The following YES1 variants were observed in gnomAD, a reference collection of about 807,000 sequenced individuals.
The protein encoded by YES1 is YES proto-oncogene 1, Src family tyrosine kinase.
In YES1, 39 loss-of-function variants were observed where a neutral mutation model predicts 70.4. That is an observed-to-expected ratio of 0.55 (90% confidence interval 0.43 to 0.72). The LOEUF (loss-of-function observed/expected upper bound fraction) is 0.72. Ranked by LOEUF, YES1 falls within the 30% of genes least tolerant of loss-of-function variation. The pLI is 0.00. For synonymous variants in YES1, 198 were observed against 218.6 expected, an observed-to-expected ratio of 0.91 and a Z score of 0.83; for missense variants, 495 against 644.8, an observed-to-expected ratio of 0.77 and a Z score of 2.52.
chr18:743,463 G>A (rs2080239361), intron 6 of YES1, 48 bp from the exon 7 acceptor site: 1 of 1,459,272 alleles, frequency 6.9e-7, no homozygotes. Flanking sequence ...CAAAAATTAA[G>A]GGGCATATAG....
At position 792,554 on chromosome 18, in the gene YES1, T is replaced by TCTCTCTCTCC. The variant is rs137948751; in HGVS notation, c.-9+19559_-9+19560insGGAGAGAGAG. On this transcript the variant is annotated intron_variant, in intron 1 of 11. Coordinates refer to ENST00000314574, the MANE Select transcript of YES1 (RefSeq NM_005433.4). ...CTCTCTCTCTCTCTCTCTCTCTCTCTCCCTCTGTATATGTGTGTGTGTGTG... is the reference window on the plus strand; with the variant it reads ...CTCTCTCTCTCTCTCTCTCTCTCTCTCTCTCTCTCCCCCTCTGTATATGTGTGTGTGTGTG... Among the ~76,000 whole-genome samples the TCTCTCTCTCC allele has an allele frequency of 4.7e-5, 6 of 126,904 alleles. No homozygotes were observed. The Admixed American group carries it at 5.0e-4, about 11-fold the overall frequency. 83.3% of individuals were successfully genotyped at this position (126,904 alleles called of 152,430 possible). A position where few individuals can be genotyped will look rare whatever the true frequency, so the allele number is the denominator to read the frequency against.
chr18:731,638 T>C (rs931691484), intron 11 of YES1, among the ~76,000 whole-genome samples: 3 of 152,198 alleles, frequency 2.0e-5, no homozygotes, highest in Admixed American at 2.0e-4. Flanking sequence ...TCAAGTGAGC[T>C]AAAATTTCTC....
At chr18:777,119 G>A (rs896804837) in intron 1 of YES1, among the ~76,000 whole-genome samples, 3 of 152,148 alleles carry the variant, frequency 2.0e-5, no homozygotes, top group Admixed American at 2.0e-4. Flanking sequence ...AAACAAGAGG[G>A]AACAAAGTGG....
intron 1 of YES1, among the ~76,000 whole-genome samples, chr18:765,237 AAG>A (rs1904824559): frequency 9.3e-6 from 1 of 107,072 alleles, no homozygotes; most frequent in South Asian, 3.3e-4. Context: ...AGGTTTGGGA[AAG>A]AGTTACAACT....
chr18:801,984 G>A (rs978956242), intron 1 of YES1, among the ~76,000 whole-genome samples: 7 of 152,294 alleles, frequency 4.6e-5, no homozygotes, highest in African/African-American at 1.7e-4. Flanking sequence ...GACAGCATTT[G>A]CTACAGTTGT....
intron 1 of YES1, among the ~76,000 whole-genome samples, chr18:781,955 T>C (rs911357189): frequency 6.6e-6 from 1 of 152,068 alleles, no homozygotes; most frequent in African/African-American, 2.4e-5. Context: ...ATTATCGGAG[T>C]GCCTCATGGA....
chr18:806,653 A>G (rs1907114565), intron 1 of YES1, among the ~76,000 whole-genome samples: 1 of 152,258 alleles, frequency 6.6e-6, no homozygotes, highest in Non-Finnish European at 1.5e-5. Flanking sequence ...ATACTAGGTC[A>G]AGAATAACAG....
intron 1 of YES1, among the ~76,000 whole-genome samples, chr18:759,761 C>T (rs1003947221): frequency 3.9e-5 from 6 of 151,920 alleles, no homozygotes; most frequent in Non-Finnish European, 1.5e-5. Flanking sequence ...ATGTGCACAA[C>T]GTGCAGGTTA....
intron 1 of YES1, among the ~76,000 whole-genome samples, chr18:795,384 G>A (rs951870933): frequency 1.3e-5 from 2 of 152,136 alleles, no homozygotes; most frequent in African/African-American, 4.8e-5. Context: ...TTAACAACTG[G>A]TAAATCTGGG....
chr18:802,767 GTTTC>G (rs900494728), intron 1 of YES1, among the ~76,000 whole-genome samples: 8 of 151,948 alleles, frequency 5.3e-5, no homozygotes, highest in Admixed American at 3.3e-4. Context: ...CTGATTCTCA[GTTTC>G]TTTATCTGTA....
chr18:769,152 G>A (rs1905044470), intron 1 of YES1, among the ~76,000 whole-genome samples: 1 of 152,158 alleles, frequency 6.6e-6, no homozygotes, highest in Non-Finnish European at 1.5e-5. Flanking sequence ...GTACCATCTA[G>A]GTTTATGTAA....
At chr18:796,945 A>G (rs1006305731) in intron 1 of YES1, among the ~76,000 whole-genome samples, 3 of 152,170 alleles carry the variant, frequency 2.0e-5, no homozygotes, top group African/African-American at 7.2e-5. Flanking sequence ...ACATACATAA[A>G]ATCCAGAGTA....
intron 1 of YES1, among the ~76,000 whole-genome samples, chr18:779,024 C>G (rs1905523078): frequency 6.6e-6 from 1 of 152,020 alleles, no homozygotes; most frequent in Admixed American, 6.6e-5. Context: ...TTAAAGTAAC[C>G]CAACTCCTTC....
Position 732,859 on chromosome 18 carries a change from T to C in YES1, c.1398A>G (p.Val466=). 1.2e-6 allele frequency: 2 copies of C among 1,614,226 alleles called. No homozygotes were observed. The highest frequency in any genetic ancestry group is 1.7e-5 in the Admixed American group (1 of 60,028). Residue 466 remains valine (V), a synonymous_variant, in exon 11 of 12, where the codon GTA becomes GTG. Transcript: ENST00000314574. The stretch of plus-strand genomic sequence containing the variant: ...CTGGATATGGCACTCGGCCCTTTGT[T>C]ACTAGTTCTGTTTGCAGAATTCCAA... ...WSFGILQTEL[V]TKGRVPYPGM...
At chr18:724,894 G>C (rs547355725) in intron 11 of YES1, among the ~76,000 whole-genome samples, 1 of 152,148 alleles carries the variant, frequency 6.6e-6, no homozygotes, top group Admixed American at 6.5e-5. Flanking sequence ...AACCCCATTT[G>C]ATTAATAAGA....
At chr18:804,090 G>A (rs1273771383) in intron 1 of YES1, among the ~76,000 whole-genome samples, 1 of 152,064 alleles carries the variant, frequency 6.6e-6, no homozygotes, top group Non-Finnish European at 1.5e-5. Context: ...TGCCATGCTT[G>A]TCTTGTTCTA....
At position 771,524 on chromosome 18, in the gene YES1, C is replaced by T. The variant is rs140929276; in HGVS notation, c.-8-14689G>A. ...TTTTATTGTAATCTGTTAAACCACT[C>T]CGTGGCATTTTTCTTTTACATTTCA... On this transcript the variant is annotated intron_variant, in intron 1 of 11. Coordinates refer to ENST00000314574, the MANE Select transcript of YES1 (RefSeq NM_005433.4). Among the ~76,000 whole-genome samples the T allele has an allele frequency of 1.1e-4, 17 of 152,260 alleles. No individual in the cohort carries two copies. The East Asian group carries it at 3.1e-3, about 28-fold the overall frequency.
At chr18:805,362 A>T (rs989591221) in intron 1 of YES1, among the ~76,000 whole-genome samples, 1 of 152,232 alleles carries the variant, frequency 6.6e-6, no homozygotes, top group Non-Finnish European at 1.5e-5. Context: ...AGTATAAAAA[A>T]ATAAAAAATG....
chr18:754,291 C>T (rs1262273678), intron 2 of YES1, among the ~76,000 whole-genome samples: 2 of 152,202 alleles, frequency 1.3e-5, no homozygotes, highest in African/African-American at 4.8e-5. Context: ...ATACTAGTCT[C>T]CACACTAATA....
Sources: allele counts gnomAD v4.1 joint callset (sites outside exome capture counted in the v4.1 genomes callset), GRCh38; gene constraint gnomAD v4.1.1; transcripts MANE v1.5; gene names NCBI Gene and HGNC (gene_info 2026-07-23, HGNC 2026-07-21).